The following SPICE1 variants were observed in gnomAD, a reference collection of about 807,000 sequenced individuals.
SPICE1 encodes the protein spindle and centriole-associated protein 1.
SPICE1 carries 75 observed loss-of-function variants against 102.7 expected under a neutral mutation model. That is an observed-to-expected ratio of 0.73 (90% CI 0.61 to 0.88). The LOEUF is 0.88. Ranked by LOEUF, SPICE1 falls within the 40% of genes least tolerant of loss-of-function variation. The pLI is 0.00. For synonymous variants in SPICE1, 308 were observed against 350.3 expected, an observed-to-expected ratio of 0.88 and a Z score of 1.35; for missense variants, 979 against 1,020.1, an observed-to-expected ratio of 0.96 and a Z score of 0.55.
chr3:113,447,991 TTC>T, intron 16 of SPICE1, 45 bp downstream of exon 16: 3 of 1,523,570 alleles, frequency 2.0e-6, no homozygotes, highest in Non-Finnish European at 2.7e-6. Context: ...ACATACCAAA[TTC>T]TTTTTGATTT....
At chr3:113,487,596 T>C (rs890733075) in intron 7 of SPICE1, among the ~76,000 whole-genome samples, 1 of 152,092 alleles carries the variant, frequency 6.6e-6, no homozygotes, top group African/African-American at 2.4e-5. Context: ...GAAGAGAAAG[T>C]ATAATAAGAG....
chr3:113,473,955 A>C (rs1007360577), intron 7 of SPICE1, among the ~76,000 whole-genome samples: 3 of 152,216 alleles, frequency 2.0e-5, no homozygotes, highest in Non-Finnish European at 4.4e-5. Flanking sequence ...TTAAATGTAA[A>C]CGGACTAAAT....
At chr3:113,467,125 A>G (rs536383851) in intron 10 of SPICE1, among the ~76,000 whole-genome samples, 96 of 152,326 alleles carry the variant, frequency 6.3e-4, no homozygotes, top group Non-Finnish European at 1.1e-3. Flanking sequence ...TGGTAAATCT[A>G]TCTTATTAAA....
intron 7 of SPICE1, among the ~76,000 whole-genome samples, chr3:113,478,082 CAAA>C (rs973096428): frequency 5.3e-5 from 8 of 150,864 alleles, no homozygotes; most frequent in African/African-American, 1.9e-4. Flanking sequence ...ACCACCAGAA[CAAA>C]ATTACAAACT....
At chr3:113,509,591 T>C (rs948507160) in intron 1 of SPICE1, among the ~76,000 whole-genome samples, 10 of 152,194 alleles carry the variant, frequency 6.6e-5, no homozygotes, top group African/African-American at 1.7e-4. Context: ...GACAATATAG[T>C]ATAAAGGCTA....
chr3:113,514,438 C>G, intron 1 of SPICE1: 2 of 355,082 alleles, frequency 5.6e-6, no homozygotes, highest in South Asian at 4.2e-5. Context: ...TGGCTCCCCA[C>G]TGTCAAAAGC....
At chr3:113,481,799 C>G (rs986049159) in intron 7 of SPICE1, among the ~76,000 whole-genome samples, 2 of 152,178 alleles carry the variant, frequency 1.3e-5, no homozygotes, top group Non-Finnish European at 2.9e-5. Flanking sequence ...GCCACATTTT[C>G]TTTATCCAGT....
intron 2 of SPICE1, among the ~76,000 whole-genome samples, chr3:113,505,821 G>A (rs1210857558): frequency 6.6e-6 from 1 of 152,104 alleles, no homozygotes; most frequent in Non-Finnish European, 1.5e-5. Flanking sequence ...CAGGAGGATT[G>A]CTGGAGTCCA....
At chr3:113,448,545 C>T (rs1004382169) in intron 15 of SPICE1, among the ~76,000 whole-genome samples, 3 of 151,956 alleles carry the variant, frequency 2.0e-5, no homozygotes, top group Admixed American at 6.6e-5. Context: ...TCTTTTAAAT[C>T]GATTACATTA....
Position 113,469,143 on chromosome 3 carries a change from G to A in SPICE1, c.707C>T (p.Pro236Leu). The change falls in exon 8 of 18, where the codon CCT becomes CTT. Residue 236 changes from proline (P) to leucine (L), a missense_variant. Physicochemically the swap from Pro to Leu is moderately conservative, Grantham distance 98. Transcript: ENST00000295872. ...AAGAGCAGATGATGGCGTTCCTGGAGGAGTTATTTGTGACTGGGTTGCTAT... is the reference window on the plus strand; with the variant it reads ...AAGAGCAGATGATGGCGTTCCTGGAAGAGTTATTTGTGACTGGGTTGCTAT... The part of the protein sequence containing the change: ...QKIATQSQIT[P>L]PGTPSSALSS... 4 of 1,613,494 alleles carry A rather than the reference G, an allele frequency of 2.5e-6. No homozygotes were observed. The highest frequency in any genetic ancestry group is 3.4e-6 in the Non-Finnish European group (4 of 1,179,746).
rs144178640 is a variant in SPICE1, at chr3:113,450,384, G to C, written c.2275C>G (p.Leu759Val). 2 of 1,614,014 alleles carry C rather than the reference G, an allele frequency of 1.2e-6. No homozygotes were observed. The highest frequency in any genetic ancestry group is 2.7e-5 in the African/African-American group (2 of 74,918). ...TGAACAGGTGACATTGGTGGAGAAA[G>C]ATTCAAACCAACAAGTTTCTGCTGC... ...IEQQKLVGLN[L>V]SPPMSPVQLP... Residue 759 changes from leucine (L) to valine (V), a missense_variant, in exon 15 of 18, where the codon CTT (leucine) becomes GTT (valine). By Grantham distance (32) the Leu-to-Val change is conservative. Coordinates refer to ENST00000295872, the MANE Select transcript of SPICE1 (RefSeq NM_144718.4).
intron 10 of SPICE1, among the ~76,000 whole-genome samples, chr3:113,467,233 T>C (rs1936079984): frequency 6.6e-6 from 1 of 152,232 alleles, no homozygotes; most frequent in African/African-American, 2.4e-5. Context: ...CATAGCTAAC[T>C]CTAATTCTGT....
chr3:113,503,241 T>A lies in SPICE1; in HGVS notation c.100-14A>T. 1 of 1,558,190 alleles carries A rather than the reference T, an allele frequency of 6.4e-7. No homozygotes were observed. Reference sequence around the variant, plus strand: ...AGTCACGGTATTCTGTAAAAAAAGGTGGCCTTTCTTTAAAAAAAAAAAAAA... The same window carrying A: ...AGTCACGGTATTCTGTAAAAAAAGGAGGCCTTTCTTTAAAAAAAAAAAAAA... On this transcript the variant is annotated splice_polypyrimidine_tract_variant and intron_variant, in intron 2 of 17. Coordinates refer to ENST00000295872, the MANE Select transcript of SPICE1 (RefSeq NM_144718.4).
Position 113,506,543 on chromosome 3 carries a change from T to C in SPICE1, c.63A>G (p.Val21=). 4 of 1,613,712 alleles carry C rather than the reference T, an allele frequency of 2.5e-6. No homozygotes were observed. The highest frequency in any genetic ancestry group is 3.4e-6 in the Non-Finnish European group (4 of 1,179,864). Residue 21 remains valine (V), a synonymous_variant, in exon 2 of 18, where the codon GTA becomes GTG. Transcript: ENST00000295872. ...GTTTCACTGAAGTTTTCTTCTTCTT[T>C]ACTTTCGGTGTCTTTCTTACACCAA... The part of the protein sequence containing the change: ...PRVGVRKTPK[V]KKKKTSVKQE...
intron 9 of SPICE1, 44 bp from the exon 10 acceptor site, chr3:113,468,448 T>C (rs779332652): frequency 2.5e-6 from 4 of 1,579,780 alleles, no homozygotes; most frequent in Non-Finnish European, 3.4e-6. Context: ...CAGGAAAAAT[T>C]ATGACTAGAA....
At chr3:113,475,113 T>C (rs1936308291) in intron 7 of SPICE1, among the ~76,000 whole-genome samples, 1 of 152,086 alleles carries the variant, frequency 6.6e-6, no homozygotes, top group Non-Finnish European at 1.5e-5. Flanking sequence ...TCACCACTGA[T>C]CCCACAGAAA....
At chr3:113,461,015 T>C (rs1021869788) in intron 11 of SPICE1, among the ~76,000 whole-genome samples, 4 of 152,104 alleles carry the variant, frequency 2.6e-5, no homozygotes, top group African/African-American at 9.7e-5. Context: ...CATGAAACAG[T>C]AATTAATAAA....
In SPICE1 at chr3:113,460,726, T is replaced by C. The variant is rs1477068160; in HGVS notation, c.1326A>G (p.Gln442=). The C allele has an allele frequency of 2.5e-6, 4 of 1,613,352 alleles. No individual in the cohort carries two copies. The highest frequency in any genetic ancestry group is 1.7e-6 in the Non-Finnish European group (2 of 1,179,758). The change falls in exon 12 of 18, where the codon CAA becomes CAG. Residue 442 remains glutamine (Q), a synonymous_variant. Transcript: ENST00000295872. The part of the protein sequence containing the change: ...LQQYMVTTDE[Q]LISLTHAIKN... ...TAATAGCATGTGTGAGTGATATCAG[T>C]TGCTCATCTGTTGTGACCATGTACT...
rs575084443 is a variant in SPICE1 at position 113,448,254 on chromosome 3, G to C, written c.2324-114C>G. The stretch of plus-strand genomic sequence containing the variant: ...AAAAATTTGGTGGTTCTTTCCATCT[G>C]TTTTAATCTTAGCCCAAGATACACT... On this transcript the variant is annotated intron_variant, in intron 15 of 17. Coordinates refer to ENST00000295872, the MANE Select transcript of SPICE1 (RefSeq NM_144718.4). The C allele has an allele frequency of 9.7e-5, 82 of 846,422 alleles. 1 individual carries two copies. In the Admixed American group the frequency reaches 2.2e-3, roughly 22 times the overall value. 52.4% of individuals were successfully genotyped at this position (846,422 alleles called of 1,614,324 possible).
Sources: allele counts gnomAD v4.1 joint callset (sites outside exome capture counted in the v4.1 genomes callset), GRCh38; gene constraint gnomAD v4.1.1; transcripts MANE v1.5; gene names NCBI Gene and HGNC (gene_info 2026-07-23, HGNC 2026-07-21).